ERN1: variants seen among roughly 807,000 people sequenced by gnomAD.
ERN1 encodes serine/threonine-protein kinase/endoribonuclease IRE1.
Under a neutral mutation model 113.1 loss-of-function variants are expected in ERN1, and 39 were observed. The observed-to-expected ratio is 0.34, with a 90% CI of 0.27 to 0.45. The LOEUF (loss-of-function observed/expected upper bound fraction) is 0.45. Ranked by LOEUF, ERN1 falls within the 20% of genes least tolerant of loss-of-function variation. ERN1 has a pLI of 1.00. For synonymous variants in ERN1, 507 were observed against 515.9 expected (o/e 0.98, Z 0.23); for missense variants, 976 against 1,274.8 (o/e 0.77, Z 3.57).
chr17:64,044,300 T>C lies in ERN1; in HGVS notation c.2722-100A>G. On this transcript the variant is annotated intron_variant, in intron 21 of 21. Transcript: ENST00000433197. The surrounding 1 kb of genome is among the most constrained non-coding windows in gnomAD (Gnocchi z 4.1). ...CATCATGCAAGGAAGAGACAGAATG[T>C]GAGTGTTGGTTTTTGGTAAAGAAAA... 2 of 822,008 alleles carry C rather than the reference T, an allele frequency of 2.4e-6. No homozygotes were observed. The highest frequency in any genetic ancestry group is 3.6e-6 in the Non-Finnish European group (2 of 555,102). 50.9% of individuals were successfully genotyped at this position (822,008 alleles called of 1,614,324 possible). A position where few individuals can be genotyped will look rare whatever the true frequency, so the allele number is the denominator to read the frequency against.
chr17:64,095,713 C>G (rs1567878525), intron 2 of ERN1, among the ~76,000 whole-genome samples: 1 of 152,194 alleles, frequency 6.6e-6, no homozygotes, highest in Non-Finnish European at 1.5e-5. Context: ...CAGTCAGATA[C>G]AAATGCCTAA....
At chr17:64,048,128 C>T (rs930388303) in intron 18 of ERN1, 143 bp from the exon 19 acceptor site, 4 of 820,148 alleles carry the variant, frequency 4.9e-6, no homozygotes, top group African/African-American at 3.4e-5. Flanking sequence ...GGAACAGACA[C>T]AAAACCTCAG....
At chr17:64,124,629 G>A (rs1915033464) in intron 1 of ERN1, among the ~76,000 whole-genome samples, 1 of 152,134 alleles carries the variant, frequency 6.6e-6, no homozygotes, top group South Asian at 2.1e-4. Context: ...TCATGATTGT[G>A]AGGCCTCCCC....
chr17:64,106,462 G>A (rs906912595), intron 1 of ERN1, among the ~76,000 whole-genome samples: 2 of 152,122 alleles, frequency 1.3e-5, no homozygotes, highest in African/African-American at 4.8e-5. Context: ...CCACACAGGG[G>A]AATGTGCCTA....
chr17:64,094,547 T>C (rs943713354), intron 2 of ERN1, among the ~76,000 whole-genome samples: 25 of 151,672 alleles, frequency 1.6e-4, no homozygotes, highest in African/African-American at 6.1e-4. Flanking sequence ...GACTGGCCCA[T>C]CTCTCTCTGA....
rs1389811205 is a variant in ERN1, at chr17:64,043,857, A to G, written c.*131T>C. On this transcript the variant is annotated 3_prime_UTR_variant, in exon 22 of 22. Coordinates refer to ENST00000433197, the MANE Select transcript of ERN1 (RefSeq NM_001433.5). ...CAGCACTGTCCTCTGTGGGCTGCAG[A>G]GCAGGCAGCTCAAGGCACTTGGTTT... 4.6e-6 allele frequency: 3 copies of G among 652,566 alleles called. No individual in the cohort carries two copies. The highest frequency in any genetic ancestry group is 8.0e-6 in the Non-Finnish European group (3 of 374,868). 40.4% of individuals were successfully genotyped at this position (652,566 alleles called of 1,614,324 possible). A position where few individuals can be genotyped will look rare whatever the true frequency, so the allele number is the denominator to read the frequency against.
intron 9 of ERN1, among the ~76,000 whole-genome samples, chr17:64,064,522 T>C (rs752723147): frequency 2.0e-5 from 3 of 152,224 alleles, no homozygotes; most frequent in African/African-American, 4.8e-5. Context: ...ACACGCCCAG[T>C]GCTGGCTCAG....
intron 17 of ERN1, among the ~76,000 whole-genome samples, chr17:64,051,727 C>T (rs1469146916): frequency 6.6e-6 from 1 of 152,204 alleles, no homozygotes; most frequent in Non-Finnish European, 1.5e-5. Context: ...ACGCAAGACA[C>T]CTGATTCCAT....
intron 2 of ERN1, among the ~76,000 whole-genome samples, chr17:64,092,999 A>G (rs1224788579): frequency 6.6e-6 from 1 of 152,210 alleles, no homozygotes; most frequent in Non-Finnish European, 1.5e-5. Context: ...CACAACCCAA[A>G]TGAGTTCCAG....
rs192234513 is a variant in ERN1, at chr17:64,050,633, G to A, written c.2254-1431C>T. 1.6e-4 allele frequency among the ~76,000 whole-genome samples: 25 copies of A among 152,244 alleles called. No homozygotes were observed. The East Asian group carries it at 4.6e-3, about 28-fold the overall frequency. On this transcript the variant is annotated intron_variant, in intron 17 of 21. Coordinates refer to ENST00000433197, the MANE Select transcript of ERN1 (RefSeq NM_001433.5). ...CTTAGGAAGTGTTTGAAGTGTCCAAGCCTCCATGCAGAAGTCACAGAAGTG... is the reference window on the plus strand; with the variant it reads ...CTTAGGAAGTGTTTGAAGTGTCCAAACCTCCATGCAGAAGTCACAGAAGTG...
chr17:64,053,640 C>A (rs1912760285), intron 15 of ERN1, among the ~76,000 whole-genome samples: 1 of 152,062 alleles, frequency 6.6e-6, no homozygotes, highest in Non-Finnish European at 1.5e-5. Context: ...CAAAGTGAGC[C>A]TGGAAAATGA....
chr17:64,097,177 G>A (rs144811652), intron 2 of ERN1, among the ~76,000 whole-genome samples: 105 of 152,276 alleles, frequency 6.9e-4, no homozygotes, highest in Admixed American at 1.0e-3. Context: ...ATCCAAGCAG[G>A]GCCCATGCAG....
chr17:64,074,705 T>C (rs2143396284), intron 5 of ERN1, among the ~76,000 whole-genome samples: 1 of 152,358 alleles, frequency 6.6e-6, no homozygotes, highest in African/African-American at 2.4e-5. Context: ...AAGCAGGTGA[T>C]CTGATGCTTT....
chr17:64,055,992 C>CA, intron 12 of ERN1, 44 bp from the exon 13 acceptor site: 2 of 1,496,202 alleles, frequency 1.3e-6, no homozygotes, highest in Non-Finnish European at 1.8e-6. Flanking sequence ...GCTGTTCCCA[C>CA]AGGGAAACAA....
At chr17:64,104,818 C>CAA (rs145385036) in intron 1 of ERN1, among the ~76,000 whole-genome samples, 105 of 149,450 alleles carry the variant, frequency 7.0e-4, no homozygotes, top group African/African-American at 2.5e-3. Context: ...GACTCCATCT[C>CAA]AAAAAAAAAG....
At chr17:64,109,525 G>T in intron 1 of ERN1, among the ~76,000 whole-genome samples, 1 of 152,240 alleles carries the variant, frequency 6.6e-6, no homozygotes, top group South Asian at 2.1e-4. Context: ...CTTCTCTACC[G>T]GCCCAGGCCA....
In ERN1 at chr17:64,043,629, C is replaced by T. The variant is rs906637895; in HGVS notation, c.*359G>A. ...AGCAAAATGTACGATTCCCTCCTCT[C>T]CCTTCCTGAAAGGCCTGTAGACTGA... On this transcript the variant is annotated 3_prime_UTR_variant, in exon 22 of 22. Transcript: ENST00000433197. The T allele has an allele frequency of 3.2e-5, 6 of 186,618 alleles. No individual in the cohort carries two copies. Among genetic ancestry groups the T allele is most frequent in the African/African-American group, 1.4e-4 (6 of 43,004 alleles). The allele number at this position is 186,618 out of a possible 1,614,324, so 11.6% of individuals were successfully genotyped here. A position where few individuals can be genotyped will look rare whatever the true frequency, so the allele number is the denominator to read the frequency against.
At chr17:64,073,664 C>T (rs196943) in intron 5 of ERN1, among the ~76,000 whole-genome samples, 145,859 of 152,058 alleles carry the variant, frequency 0.96, 70,263 homozygotes, top group East Asian at 1. Context: ...GCTTATTTTT[C>T]GTATTTTTAG....
chr17:64,077,181 A>G (rs1913618893), intron 4 of ERN1, among the ~76,000 whole-genome samples: 1 of 152,238 alleles, frequency 6.6e-6, no homozygotes, highest in Non-Finnish European at 1.5e-5. Flanking sequence ...GGTCACAGGC[A>G]TTCACAAAAT....
Sources: allele counts gnomAD v4.1 joint callset (sites outside exome capture counted in the v4.1 genomes callset), GRCh38; gene constraint gnomAD v4.1.1; non-coding constraint Gnocchi (gnomAD v3.1); transcripts MANE v1.5; gene names NCBI Gene and HGNC (gene_info 2026-07-23, HGNC 2026-07-21).